The following FAM184B variants were observed in gnomAD, a reference collection of about 807,000 sequenced individuals.
FAM184B encodes family with sequence similarity 184 member B.
Under a neutral mutation model 135.9 loss-of-function variants are expected in FAM184B, and 111 were observed. The observed-to-expected ratio is 0.82, with a 90% CI of 0.70 to 0.96. FAM184B has a LOEUF of 0.96. Ranked by LOEUF, FAM184B falls within the 40% of genes least tolerant of loss-of-function variation. The pLI is 0.00. For synonymous variants in FAM184B, 552 were observed against 524.8 expected, an observed-to-expected ratio of 1.05 and a Z score of -0.71; for missense variants, 1,375 against 1,323.9, an observed-to-expected ratio of 1.04 and a Z score of -0.60.
In FAM184B at chr4:17,645,896, C is replaced by A. The variant is rs1334220051; in HGVS notation, c.2346+1741G>T. ...AAATTTACAACAAAAAAACAAACAA[C>A]CCCATCAACAAGTGGGTGAAGGATA... On this transcript the variant is annotated intron_variant, in intron 12 of 17. Coordinates refer to ENST00000265018, the MANE Select transcript of FAM184B (RefSeq NM_015688.2). 2.5e-4 allele frequency among the ~76,000 whole-genome samples: 38 copies of A among 152,186 alleles called. No homozygotes were observed. The South Asian group carries it at 6.6e-3, about 27-fold the overall frequency.
At chr4:17,640,492 A>G (rs1196450921) in intron 13 of FAM184B, among the ~76,000 whole-genome samples, 1 of 151,412 alleles carries the variant, frequency 6.6e-6, no homozygotes, top group Non-Finnish European at 1.5e-5. Flanking sequence ...AAAAAAAAAA[A>G]AAAGAAAATA....
chr4:17,647,861 G>A, intron 11 of FAM184B, 70 bp from the exon 12 acceptor site: 1 of 1,475,770 alleles, frequency 6.8e-7, no homozygotes. Flanking sequence ...GGGGACAACA[G>A]TCTCTGGGGT....
chr4:17,663,615 A>AACACACACACACACACAC (rs113627829), intron 8 of FAM184B, among the ~76,000 whole-genome samples: 169 of 150,536 alleles, frequency 1.1e-3, no homozygotes, highest in African/African-American at 3.7e-3. Flanking sequence ...TCCCATTCAC[A>AACACACACACACACACAC]ACACACACAC....
At chr4:17,749,910 G>T (rs981874220) in intron 1 of FAM184B, among the ~76,000 whole-genome samples, 1 of 80,386 alleles carries the variant, frequency 1.2e-5, no homozygotes, top group Non-Finnish European at 3.1e-5. Context: ...CCGTTATAAT[G>T]TAAGTGTCTT....
chr4:17,709,788 A>G (rs1717215141), intron 1 of FAM184B, 144 bp from the exon 2 acceptor site: 1 of 789,366 alleles, frequency 1.3e-6, no homozygotes, highest in Admixed American at 3.5e-5. Context: ...GGGATTTATT[A>G]GAAACTGTTC....
At chr4:17,752,575 C>T (rs1718328219) in intron 1 of FAM184B, among the ~76,000 whole-genome samples, 1 of 152,194 alleles carries the variant, frequency 6.6e-6, no homozygotes, top group Admixed American at 6.5e-5. Flanking sequence ...ACATTCCCTT[C>T]TTGCTGCATT....
At chr4:17,780,449 T>C (rs1032204369) in intron 1 of FAM184B, among the ~76,000 whole-genome samples, 5 of 152,150 alleles carry the variant, frequency 3.3e-5, no homozygotes, top group Non-Finnish European at 4.4e-5. Flanking sequence ...GAGCTTCTAA[T>C]TGGGGAGCTG....
chr4:17,770,858 A>T (rs886132173), intron 1 of FAM184B, among the ~76,000 whole-genome samples: 28 of 152,190 alleles, frequency 1.8e-4, no homozygotes, highest in Admixed American at 7.9e-4. Context: ...ATACCAGGAG[A>T]TCCACCCAAA....
chr4:17,778,186 T>C (rs1167648838), intron 1 of FAM184B, among the ~76,000 whole-genome samples: 3 of 152,130 alleles, frequency 2.0e-5, no homozygotes, highest in Non-Finnish European at 4.4e-5. Context: ...ATCTGAAATG[T>C]TATCAAAGAG....
chr4:17,636,394 C>T (rs1193891540), intron 15 of FAM184B, 134 bp downstream of exon 15: 12 of 720,980 alleles, frequency 1.7e-5, no homozygotes, highest in Middle Eastern at 3.9e-4. Flanking sequence ...TGAGCCACCG[C>T]GCACGGCAAG....
chr4:17,759,522 A>G lies in FAM184B; in HGVS notation c.141+21637T>C, dbSNP rs147035180. Among the ~76,000 whole-genome samples, 713 of 151,194 alleles carry G rather than the reference A, an allele frequency of 4.7e-3. 25 individuals are homozygous for G. The East Asian group carries it at 0.088, about 19-fold the overall frequency. On this transcript the variant is annotated intron_variant, in intron 1 of 17. Coordinates refer to ENST00000265018, the MANE Select transcript of FAM184B (RefSeq NM_015688.2). ...TTCTTTTTTCTTTTTTCTTTTTTTG[A>G]GACAGAGTTTTGCTCTGTCACCCAG...
intron 1 of FAM184B, among the ~76,000 whole-genome samples, chr4:17,764,790 C>T (rs752265704): frequency 2.7e-5 from 4 of 146,498 alleles, no homozygotes; most frequent in South Asian, 4.2e-4. Context: ...CTCGGCCAGG[C>T]GCGGTGGCTC....
chr4:17,687,574 C>T (rs148126578), intron 7 of FAM184B, among the ~76,000 whole-genome samples: 127 of 152,240 alleles, frequency 8.3e-4, no homozygotes, highest in Middle Eastern at 3.4e-3. Context: ...CAATTAGTTA[C>T]GATGAGGTCA....
intron 7 of FAM184B, among the ~76,000 whole-genome samples, chr4:17,679,129 CAT>C (rs754753384): frequency 9.9e-5 from 15 of 152,126 alleles, no homozygotes; most frequent in Non-Finnish European, 2.1e-4. Flanking sequence ...GCAAAGAGTT[CAT>C]GACCAAGAAA....
intron 1 of FAM184B, among the ~76,000 whole-genome samples, chr4:17,779,272 A>G (rs148466146): frequency 1.3e-5 from 2 of 152,360 alleles, no homozygotes; most frequent in African/African-American, 4.8e-5. Context: ...ACTCATAGAA[A>G]GATTAAATAT....
chr4:17,647,126 CT>C (rs5856438), intron 12 of FAM184B, among the ~76,000 whole-genome samples: 12 of 148,658 alleles, frequency 8.1e-5, no homozygotes, highest in South Asian at 4.3e-4. Context: ...CACTTAAAAC[CT>C]TTTTTTTTTT....
intron 5 of FAM184B, among the ~76,000 whole-genome samples, chr4:17,695,233 G>A (rs1305388430): frequency 1.3e-5 from 2 of 151,830 alleles, no homozygotes; most frequent in East Asian, 3.9e-4. Flanking sequence ...CACAATCATG[G>A]CTCACTGCAC....
chr4:17,743,362 C>G (rs1204600820), intron 1 of FAM184B, among the ~76,000 whole-genome samples: 2 of 152,160 alleles, frequency 1.3e-5, no homozygotes, highest in Non-Finnish European at 2.9e-5. Flanking sequence ...ATGAGAAGAC[C>G]TGGAGAGTTT....
intron 1 of FAM184B, among the ~76,000 whole-genome samples, chr4:17,721,400 A>AAAAAAAAAAAAAAAAAAAAG (rs1393851594): frequency 6.7e-6 from 1 of 149,872 alleles, no homozygotes; most frequent in Non-Finnish European, 1.5e-5. Flanking sequence ...AAAAAAAAAA[A>AAAAAAAAAAAAAAAAAAAAG]AAAAAATCTC....
Sources: allele counts gnomAD v4.1 joint callset (sites outside exome capture counted in the v4.1 genomes callset), GRCh38; gene constraint gnomAD v4.1.1; transcripts MANE v1.5; gene names NCBI Gene and HGNC (gene_info 2026-07-23, HGNC 2026-07-21).